Variants in GLIS3 observed in about 807,000 individuals in gnomAD.
GLIS3 encodes GLIS family zinc finger 3, also known as zinc finger protein GLIS3.
A neutral mutation model predicts 78.6 loss-of-function variants in GLIS3; 53 were observed. The ratio of observed to expected loss-of-function variants is 0.67; its 90% CI spans 0.54 to 0.85. GLIS3 has a LOEUF of 0.85. GLIS3 is among the 40% of genes least tolerant of loss of function. GLIS3 has a pLI of 0.00. For synonymous variants in GLIS3, 684 were observed against 509.9 expected (o/e 1.34, Z -4.60); for missense variants, 1,703 against 1,231.1 (o/e 1.38, Z -5.74).
chr9:4,441,973 G>C, the GLIS3 span, among the ~76,000 whole-genome samples: 3 of 152,246 alleles, frequency 2.0e-5, no homozygotes, highest in East Asian at 5.8e-4. Context: ...TAGAGAAAGA[G>C]TAAGGAAAAA....
chr9:4,150,685 C>T (rs1220262836), intron 2 of GLIS3, among the ~76,000 whole-genome samples: 1 of 152,188 alleles, frequency 6.6e-6, no homozygotes, highest in Non-Finnish European at 1.5e-5. Flanking sequence ...TCTCTGCCCC[C>T]ACCATGCTTT....
At chr9:4,271,687 G>A (rs943864246) in intron 2 of GLIS3, among the ~76,000 whole-genome samples, 3 of 152,118 alleles carry the variant, frequency 2.0e-5, no homozygotes, top group Non-Finnish European at 4.4e-5. Flanking sequence ...GTAGCACAGT[G>A]GGTTTCAGGT....
chr9:4,180,151 T>G (rs1402385199), intron 2 of GLIS3, among the ~76,000 whole-genome samples: 3 of 151,832 alleles, frequency 2.0e-5, no homozygotes, highest in Non-Finnish European at 4.4e-5. Flanking sequence ...GGTCCTAGGA[T>G]AGAGAACAGA....
chr9:4,000,413 C>G lies in GLIS3; in HGVS notation c.1711-63224G>C, dbSNP rs181744051. ...GGAGAGGAGGGAGAGGAAAGAGACA[C>G]AGAGATTCTAACAGATCAAGAATCA... On this transcript the variant is annotated intron_variant, in intron 4 of 10. Coordinates refer to ENST00000381971, the MANE Select transcript of GLIS3 (RefSeq NM_001042413.2). Among the ~76,000 whole-genome samples the G allele has an allele frequency of 3.7e-3, 559 of 152,158 alleles. 1 individual carries two copies. Among genetic ancestry groups the G allele is most frequent in the African/African-American group, 0.013 (525 of 41,526 alleles).
chr9:3,838,378 C>T (rs1352226959), intron 9 of GLIS3, among the ~76,000 whole-genome samples: 1 of 152,138 alleles, frequency 6.6e-6, no homozygotes, highest in African/African-American at 2.4e-5. Context: ...GGGACTGGCT[C>T]ATCCCTGGCC....
intron 1 of GLIS3, among the ~76,000 whole-genome samples, chr9:4,295,766 T>A (rs983107087): frequency 6.6e-6 from 1 of 152,212 alleles, no homozygotes; most frequent in African/African-American, 2.4e-5. Context: ...TCCGTAAGGA[T>A]ATTTCATCTC....
intron 4 of GLIS3, among the ~76,000 whole-genome samples, chr9:4,068,762 G>C (rs1159628876): frequency 6.6e-6 from 1 of 151,948 alleles, no homozygotes; most frequent in African/African-American, 2.4e-5. Context: ...AAAGAGCACT[G>C]TCAAGGGATT....
chr9:3,961,844 A>C (rs188724399), intron 4 of GLIS3, among the ~76,000 whole-genome samples: 62 of 152,342 alleles, frequency 4.1e-4, no homozygotes, highest in Non-Finnish European at 6.6e-4. Context: ...TAATACAAAA[A>C]CCAATGAAAC....
chr9:4,198,116 C>A (rs1220957448), intron 2 of GLIS3, among the ~76,000 whole-genome samples: 1 of 151,970 alleles, frequency 6.6e-6, no homozygotes, highest in Non-Finnish European at 1.5e-5. Flanking sequence ...GTAACGCCAC[C>A]AAAGAATAAC....
intron 4 of GLIS3, among the ~76,000 whole-genome samples, chr9:4,000,917 A>T (rs1191606082): frequency 6.6e-6 from 1 of 151,156 alleles, no homozygotes; most frequent in African/African-American, 2.4e-5. Flanking sequence ...TCTGATGGTC[A>T]CTCTCTCCTC....
At chr9:4,321,121 C>CTT (rs201875771) in intron 2 of GLIS3, among the ~76,000 whole-genome samples, 1 of 151,084 alleles carries the variant, frequency 6.6e-6, no homozygotes, top group East Asian at 1.9e-4. Context: ...ATGGTCTCCG[C>CTT]TTTTTTTAAA....
At chr9:4,033,455 G>A (rs1297176665) in intron 4 of GLIS3, among the ~76,000 whole-genome samples, 4 of 152,248 alleles carry the variant, frequency 2.6e-5, no homozygotes, top group East Asian at 3.9e-4. Flanking sequence ...GAAGGAGGAA[G>A]CACAGGCTTT....
the GLIS3 span, among the ~76,000 whole-genome samples, chr9:4,365,439 C>T: frequency 6.6e-6 from 1 of 151,950 alleles, no homozygotes; most frequent in Non-Finnish European, 1.5e-5. Flanking sequence ...TGCCTATAGT[C>T]CCAGCTACTC....
chr9:4,391,702 G>C, the GLIS3 span, among the ~76,000 whole-genome samples: 2 of 152,120 alleles, frequency 1.3e-5, no homozygotes, highest in African/African-American at 4.8e-5. Flanking sequence ...ATAGAGGTTT[G>C]TACTGTCAAT....
chr9:4,241,462 C>T (rs1393131784), intron 2 of GLIS3, among the ~76,000 whole-genome samples: 1 of 152,078 alleles, frequency 6.6e-6, no homozygotes, highest in African/African-American at 2.4e-5. Context: ...GAGAATAATT[C>T]AAACGTTTCT....
intron 4 of GLIS3, among the ~76,000 whole-genome samples, chr9:4,062,920 C>G (rs1453596846): frequency 2.0e-5 from 3 of 150,620 alleles, no homozygotes; most frequent in Admixed American, 1.3e-4. Flanking sequence ...CTGAGCGAGA[C>G]TCCATTTCAA....
chr9:4,394,176 C>T, the GLIS3 span, among the ~76,000 whole-genome samples: 100 of 152,002 alleles, frequency 6.6e-4, no homozygotes, highest in African/African-American at 2.1e-3. Context: ...CAGAATTCTT[C>T]TCAAGGAGTG....
the GLIS3 span, among the ~76,000 whole-genome samples, chr9:4,413,118 G>C: frequency 6.6e-6 from 1 of 152,150 alleles, no homozygotes; most frequent in African/African-American, 2.4e-5. Flanking sequence ...GCTTATTAAA[G>C]GCAGGTAATC....
At chr9:3,980,959 G>C (rs534421499) in intron 4 of GLIS3, among the ~76,000 whole-genome samples, 1 of 152,286 alleles carries the variant, frequency 6.6e-6, no homozygotes, top group South Asian at 2.1e-4. Context: ...CAGCCCTCCT[G>C]CTCAGCATGC....
Sources: gnomAD v4.1 joint callset for allele counts (sites outside exome capture counted in the v4.1 genomes callset) on GRCh38, gnomAD v4.1.1 for gene constraint, MANE v1.5 for transcripts, NCBI Gene and HGNC (gene_info 2026-07-23, HGNC 2026-07-21) for gene names.